HYAL4: variants seen among roughly 807,000 people sequenced by gnomAD.
HYAL4 encodes the protein hyaluronidase-4.
Under a neutral mutation model 35.2 loss-of-function variants are expected in HYAL4, and 37 were observed. The ratio of observed to expected loss-of-function variants is 1.05; its 90% CI spans 0.81 to 1.38. The LOEUF is 1.38. Ranked by LOEUF, HYAL4 falls within the 40% of genes most tolerant of loss-of-function variation. The pLI is 0.00. For synonymous variants in HYAL4, 198 were observed against 203.2 expected, an observed-to-expected ratio of 0.97 and a Z score of 0.22; for missense variants, 572 against 572.4, an observed-to-expected ratio of 1.00 and a Z score of 0.01.
intron 3 of HYAL4, among the ~76,000 whole-genome samples, chr7:123,873,794 G>A (rs986940814): frequency 6.6e-6 from 1 of 152,278 alleles, no homozygotes; most frequent in African/African-American, 2.4e-5. Context: ...AATTCTCTCT[G>A]CTAAAACCTT....
the HYAL4 span, among the ~76,000 whole-genome samples, chr7:123,769,491 G>T: frequency 6.6e-6 from 1 of 152,164 alleles, no homozygotes; most frequent in African/African-American, 2.4e-5. Context: ...TGGCCCTTCA[G>T]AGTATTCCTG....
the HYAL4 span, among the ~76,000 whole-genome samples, chr7:123,766,101 T>C: frequency 2.7e-4 from 41 of 152,284 alleles, no homozygotes; most frequent in East Asian, 5.8e-3. Context: ...TTCCCATTCC[T>C]ATTCCTATAA....
chr7:123,791,182 A>G, the HYAL4 span, among the ~76,000 whole-genome samples: 1 of 152,188 alleles, frequency 6.6e-6, no homozygotes, highest in African/African-American at 2.4e-5. Context: ...TTTTCACAGC[A>G]TGTAGAATGG....
intron 2 of HYAL4, among the ~76,000 whole-genome samples, chr7:123,855,775 T>C (rs1806423304): frequency 1.3e-5 from 2 of 152,146 alleles, no homozygotes; most frequent in South Asian, 4.1e-4. Context: ...TTCTCCTGGA[T>C]AATATCCTGA....
upstream of HYAL4, among the ~76,000 whole-genome samples, chr7:123,844,739 C>T (rs986419633): frequency 2.0e-5 from 3 of 152,142 alleles, no homozygotes; most frequent in East Asian, 1.9e-4. Context: ...TCAGCAATGG[C>T]GGACACCCCT....
At chr7:123,837,836 A>C (rs1805990161) in intron 1 of HYAL4, among the ~76,000 whole-genome samples, 1 of 151,986 alleles carries the variant, frequency 6.6e-6, no homozygotes, top group South Asian at 2.1e-4. Context: ...TGTCCCTACA[A>C]AGGACATGAA....
Position 123,868,369 on chromosome 7 carries a change from C to A in HYAL4, c.96C>A (p.Ile32=). The change falls in exon 3 of 5, where the codon ATC becomes ATA. Residue 32 remains isoleucine, a synonymous_variant. Coordinates refer to ENST00000223026, the MANE Select transcript of HYAL4 (RefSeq NM_012269.3). ...TTATATTTTTTATTCTAAAGTCTAT[C>A]TCTTGTCTAAAACCTGCTCGACTTC... ...WLLIFFILKS[I]SCLKPARLPI... is the part of the protein sequence containing the mutation. 1.2e-6 allele frequency: 2 copies of A among 1,611,320 alleles called. No individual in the cohort carries two copies. The highest frequency in any genetic ancestry group is 1.7e-6 in the Non-Finnish European group (2 of 1,178,996).
intron 2 of HYAL4, among the ~76,000 whole-genome samples, chr7:123,859,827 A>G (rs553801162): frequency 6.6e-6 from 1 of 152,312 alleles, no homozygotes; most frequent in South Asian, 2.1e-4. Context: ...ACAAAATTCC[A>G]ACAGAACTTC....
At chr7:123,788,385 TGAATA>T in the HYAL4 span, among the ~76,000 whole-genome samples, 122 of 152,234 alleles carry the variant, frequency 8.0e-4, no homozygotes, top group Non-Finnish European at 1.6e-3. Flanking sequence ...TGAAACTAGT[TGAATA>T]GAATTCAAGG....
the HYAL4 span, among the ~76,000 whole-genome samples, chr7:123,786,061 A>C: frequency 1.1e-3 from 160 of 152,280 alleles, no homozygotes; most frequent in African/African-American, 3.8e-3. Context: ...CCAAAATCCC[A>C]AGGTCCAAAA....
the HYAL4 span, among the ~76,000 whole-genome samples, chr7:123,781,605 C>T: frequency 2.0e-5 from 3 of 152,036 alleles, no homozygotes; most frequent in Admixed American, 6.6e-5. Context: ...CACCCCTACA[C>T]ACGTATGCAC....
chr7:123,875,587 G>T (rs1421531264), intron 4 of HYAL4, among the ~76,000 whole-genome samples: 1 of 150,508 alleles, frequency 6.6e-6, no homozygotes, highest in African/African-American at 2.5e-5. Flanking sequence ...AAGCTGGGAG[G>T]CAGAGGTTGC....
intron 2 of HYAL4, among the ~76,000 whole-genome samples, chr7:123,864,464 T>G (rs1806643814): frequency 6.6e-6 from 1 of 152,124 alleles, no homozygotes; most frequent in Non-Finnish European, 1.5e-5. Context: ...ATTTAGAGGT[T>G]TGTTTACAGG....
At chr7:123,849,163 T>C (rs1434925524) in intron 2 of HYAL4, among the ~76,000 whole-genome samples, 1 of 152,178 alleles carries the variant, frequency 6.6e-6, no homozygotes, top group Non-Finnish European at 1.5e-5. Flanking sequence ...AGTGACTATG[T>C]ATGTGACTGT....
chr7:123,766,423 A>G, the HYAL4 span, among the ~76,000 whole-genome samples: 3 of 152,102 alleles, frequency 2.0e-5, no homozygotes, highest in South Asian at 4.1e-4. Flanking sequence ...CGAGTTTTCA[A>G]TGTAAATGCT....
chr7:123,851,228 C>T (rs1484044671), intron 2 of HYAL4, among the ~76,000 whole-genome samples: 1 of 152,020 alleles, frequency 6.6e-6, no homozygotes, highest in Non-Finnish European at 1.5e-5. Flanking sequence ...TTAAATATTA[C>T]ATTTGATGTT....
chr7:123,772,975 A>T, the HYAL4 span, among the ~76,000 whole-genome samples: 5 of 152,240 alleles, frequency 3.3e-5, no homozygotes, highest in African/African-American at 1.2e-4. Flanking sequence ...TTCATGGCAC[A>T]CCGCATTGTC....
intron 3 of HYAL4, among the ~76,000 whole-genome samples, chr7:123,869,502 A>C (rs145197502): frequency 1.6e-4 from 24 of 152,320 alleles, no homozygotes; most frequent in African/African-American, 5.8e-4. Flanking sequence ...CACCAACTTT[A>C]ACTGTACTCA....
chr7:123,785,070 C>T, the HYAL4 span, among the ~76,000 whole-genome samples: 10 of 152,048 alleles, frequency 6.6e-5, no homozygotes, highest in African/African-American at 2.4e-4. This position sits in a 1 kb window ranked among gnomAD's most constrained non-coding sequence, Gnocchi z 4.5. Context: ...AAATTAAGTA[C>T]ATATATATTT....
Sources: allele counts gnomAD v4.1 joint callset (sites outside exome capture counted in the v4.1 genomes callset), GRCh38; gene constraint gnomAD v4.1.1; non-coding constraint Gnocchi (gnomAD v3.1); transcripts MANE v1.5; gene names NCBI Gene and HGNC (gene_info 2026-07-23, HGNC 2026-07-21).